NLN: variants seen among roughly 807,000 people sequenced by gnomAD.
NLN encodes neurolysin.
NLN carries 64 observed loss-of-function variants against 79.9 expected under a neutral mutation model. The observed-to-expected ratio is 0.80, with a 90% CI of 0.65 to 0.99. The LOEUF is 0.99. Ranked by LOEUF, NLN falls within the 50% of genes least tolerant of loss-of-function variation. The pLI, the probability that NLN is intolerant of heterozygous loss-of-function variation, is 0.00. For synonymous variants in NLN, 267 were observed against 296.6 expected (o/e 0.90, Z 1.02); for missense variants, 835 against 858.7 (o/e 0.97, Z 0.34).
At chr5:65,757,596 T>TTA (rs147952126) in intron 1 of NLN, among the ~76,000 whole-genome samples, 32,044 of 151,966 alleles carry the variant, frequency 0.21, 3,506 homozygotes, top group Non-Finnish European at 0.25. Context: ...TTATATGTAC[T>TTA]TATATATATG....
In NLN at chr5:65,796,699, C is replaced by T. The variant is rs111717098; in HGVS notation, c.1527+4044C>T. Among the ~76,000 whole-genome samples the T allele has an allele frequency of 5.9e-5, 9 of 152,250 alleles. 2 individuals are homozygous for T. The highest frequency in any genetic ancestry group is 1.9e-4 in the East Asian group (1 of 5,186). Reference sequence around the variant, plus strand: ...CACTACTTTTGTTTTTCATAGGCACCGATCCATATATTTGCAAATTTATAA... The same window carrying T: ...CACTACTTTTGTTTTTCATAGGCACTGATCCATATATTTGCAAATTTATAA... On this transcript the variant is annotated intron_variant, in intron 9 of 12. Transcript: ENST00000380985.
rs80124268 is a variant in NLN, at chr5:65,724,348, T to C, written c.41+1934T>C. Among the ~76,000 whole-genome samples the C allele has an allele frequency of 1.5e-3, 225 of 152,304 alleles. 1 individual carries two copies. The highest frequency in any genetic ancestry group is 5.3e-3 in the African/African-American group (219 of 41,574). On this transcript the variant is annotated intron_variant, in intron 1 of 12. Transcript: ENST00000380985. ...CCCTTATATAAGTGGAATTAGACAATATTTGTCCTTTTGCGTCTGGTTTAT... is the reference window on the plus strand; with the variant it reads ...CCCTTATATAAGTGGAATTAGACAACATTTGTCCTTTTGCGTCTGGTTTAT...
Position 65,751,418 on chromosome 5 carries a change from A to G in NLN, c.42-7149A>G, listed in dbSNP as rs539996963. On this transcript the variant is annotated intron_variant, in intron 1 of 12. Transcript: ENST00000380985. ...TGTCCCATCTTGTTTCAAGTATATA[A>G]TGAACATCTGTCTGCTCATCAGTGT... Among the ~76,000 whole-genome samples the G allele has an allele frequency of 3.9e-5, 6 of 152,342 alleles. No individual in the cohort carries two copies. The East Asian group carries it at 1.2e-3, about 29-fold the overall frequency.
At chr5:65,789,394 C>T (rs1443030400) in intron 8 of NLN, among the ~76,000 whole-genome samples, 2 of 152,194 alleles carry the variant, frequency 1.3e-5, no homozygotes, top group Non-Finnish European at 2.9e-5. Context: ...GAAGACTGCT[C>T]AGCACATAGC....
chr5:65,749,285 CAAAG>C (rs1759053439), intron 1 of NLN, among the ~76,000 whole-genome samples: 1 of 152,256 alleles, frequency 6.6e-6, no homozygotes, highest in East Asian at 1.9e-4. Flanking sequence ...ATGACAGCAA[CAAAG>C]AGAGTTAGTA....
chr5:65,756,066 A>G (rs1759211166), intron 1 of NLN, among the ~76,000 whole-genome samples: 1 of 152,122 alleles, frequency 6.6e-6, no homozygotes, highest in African/African-American at 2.4e-5. Context: ...AAGACTTTTC[A>G]GTATTTCTCA....
Position 65,823,215 on chromosome 5 carries a change from G to C in NLN, c.*300G>C, listed in dbSNP as rs1024935033. On this transcript the variant is annotated 3_prime_UTR_variant, in exon 13 of 13. Coordinates refer to ENST00000380985, the MANE Select transcript of NLN (RefSeq NM_020726.5). ...TTTACTATTATAATCTAGATAATAT[G>C]ATATAAGAGGGCTAAGAATTTTTAA... The C allele has an allele frequency of 4.3e-6, 1 of 230,562 alleles. No homozygotes were observed. Among genetic ancestry groups the C allele is most frequent in the African/African-American group, 2.3e-5 (1 of 43,370 alleles). The allele number at this position is 230,562 out of a possible 1,614,324, so 14.3% of individuals were successfully genotyped here. A position where few individuals can be genotyped will look rare whatever the true frequency, so the allele number is the denominator to read the frequency against.
At chr5:65,753,759 G>A (rs1759154704) in intron 1 of NLN, among the ~76,000 whole-genome samples, 1 of 151,910 alleles carries the variant, frequency 6.6e-6, no homozygotes, top group Non-Finnish European at 1.5e-5. Flanking sequence ...AGATGGATAT[G>A]TCCTATGTTT....
chr5:65,800,496 A>G (rs909959562), intron 9 of NLN, among the ~76,000 whole-genome samples: 52 of 152,032 alleles, frequency 3.4e-4, no homozygotes, highest in African/African-American at 1.2e-3. Flanking sequence ...TAACACGGTG[A>G]AACCCCATCT....
rs151139891 is a variant in NLN at position 65,758,424 on chromosome 5, A to G, written c.42-143A>G. The G allele has an allele frequency of 3.2e-3, 1,736 of 546,336 alleles. 17 individuals are homozygous for G. The highest frequency in any genetic ancestry group is 0.02 in the East Asian group (700 of 34,900). The allele number at this position is 546,336 out of a possible 1,614,324, so 33.8% of individuals were successfully genotyped here. ...AATACAGGGGCACTTAGTTTTGTGC[A>G]TATGTGTTCACCTGAGAGTATTTGC... On this transcript the variant is annotated intron_variant, in intron 1 of 12. Coordinates refer to ENST00000380985, the MANE Select transcript of NLN (RefSeq NM_020726.5).
intron 1 of NLN, among the ~76,000 whole-genome samples, chr5:65,738,362 T>C (rs527367235): frequency 2.6e-5 from 4 of 152,094 alleles, no homozygotes; most frequent in South Asian, 2.1e-4. Flanking sequence ...GGCAGGAGGA[T>C]TGCAGGAGCC....
At chr5:65,771,483 G>A (rs1759564341) in intron 3 of NLN, among the ~76,000 whole-genome samples, 1 of 152,168 alleles carries the variant, frequency 6.6e-6, no homozygotes, top group East Asian at 1.9e-4. Flanking sequence ...AATAGAGGCT[G>A]AATTATGCAA....
At chr5:65,746,806 C>T (rs1758989684) in intron 1 of NLN, among the ~76,000 whole-genome samples, 1 of 152,018 alleles carries the variant, frequency 6.6e-6, no homozygotes, top group South Asian at 2.1e-4. Flanking sequence ...AGATCGAGAC[C>T]ATCCTGGCTA....
intron 1 of NLN, among the ~76,000 whole-genome samples, chr5:65,738,500 G>A (rs775295958): frequency 2.1e-4 from 32 of 152,118 alleles, no homozygotes; most frequent in Non-Finnish European, 4.0e-4. Context: ...TTGAGCCCAG[G>A]AGGCAAAGGT....
At chr5:65,752,660 T>C (rs2591929) in intron 1 of NLN, among the ~76,000 whole-genome samples, 31,648 of 152,056 alleles carry the variant, frequency 0.21, 3,421 homozygotes, top group Non-Finnish European at 0.24. Flanking sequence ...ATCCAAAGCA[T>C]TGGGTGAGCT....
At chr5:65,751,409 A>G (rs1177478159) in intron 1 of NLN, among the ~76,000 whole-genome samples, 2 of 152,188 alleles carry the variant, frequency 1.3e-5, no homozygotes, top group African/African-American at 4.8e-5. Context: ...ATCTTGTTTC[A>G]AGTATATAAT....
chr5:65,752,601 T>C (rs1260774346), intron 1 of NLN, among the ~76,000 whole-genome samples: 1 of 152,144 alleles, frequency 6.6e-6, no homozygotes, highest in African/African-American at 2.4e-5. Flanking sequence ...TGCAGTTCTT[T>C]CCAGGGCTGC....
At chr5:65,822,678 A>G (rs145814344) in intron 12 of NLN, 103 bp from the exon 13 acceptor site, 5 of 811,518 alleles carry the variant, frequency 6.2e-6, no homozygotes, top group South Asian at 5.5e-5. Context: ...GAGTAAGGCT[A>G]AAGTCCTTTT....
At chr5:65,786,039 C>A in intron 7 of NLN, 129 bp downstream of exon 7, 1 of 784,050 alleles carries the variant, frequency 1.3e-6, no homozygotes, top group Non-Finnish European at 2.0e-6. Context: ...TATTGATCAC[C>A]TATTAAGTGT....
Sources: allele counts gnomAD v4.1 joint callset (sites outside exome capture counted in the v4.1 genomes callset), GRCh38; gene constraint gnomAD v4.1.1; transcripts MANE v1.5; gene names NCBI Gene and HGNC (gene_info 2026-07-23, HGNC 2026-07-21).